AFF3: variants seen among roughly 807,000 people sequenced by gnomAD.
AFF3 encodes the protein AF4/FMR2 family member 3.
Under a neutral mutation model 129.7 loss-of-function variants are expected in AFF3, and 32 were observed. That is an observed-to-expected ratio of 0.25 (90% CI 0.19 to 0.33). The LOEUF (loss-of-function observed/expected upper bound fraction) is 0.33. AFF3 is among the 10% of genes least tolerant of loss of function. The pLI is 1.00. For synonymous variants in AFF3, 644 were observed against 635.4 expected, an observed-to-expected ratio of 1.01 and a Z score of -0.20; for missense variants, 1,373 against 1,592.0, an observed-to-expected ratio of 0.86 and a Z score of 2.34.
At chr2:99,752,081 G>T in intron 9 of AFF3, 140 bp downstream of exon 9, 1 of 699,306 alleles carries the variant, frequency 1.4e-6, no homozygotes, top group Non-Finnish European at 2.4e-6. Context: ...GTATGCGCTT[G>T]CAAATTGTGA....
chr2:99,961,735 C>T (rs1336088545), intron 7 of AFF3, among the ~76,000 whole-genome samples: 2 of 152,166 alleles, frequency 1.3e-5, no homozygotes, highest in African/African-American at 2.4e-5. Flanking sequence ...TAGTCAGAGA[C>T]GCTGCCCTGC....
intron 18 of AFF3, among the ~76,000 whole-genome samples, chr2:99,573,438 G>T (rs916821877): frequency 1.5e-4 from 23 of 152,164 alleles, no homozygotes; most frequent in African/African-American, 4.8e-4. Context: ...AAAGGACTAG[G>T]AGAGGAGACC....
intron 8 of AFF3, among the ~76,000 whole-genome samples, chr2:99,759,771 T>C (rs1682429251): frequency 6.6e-6 from 1 of 152,244 alleles, no homozygotes; most frequent in East Asian, 1.9e-4. Context: ...TGAGGTACAA[T>C]GCTTTTATAA....
chr2:99,746,807 C>T (rs1046071254), intron 9 of AFF3, among the ~76,000 whole-genome samples: 5 of 151,938 alleles, frequency 3.3e-5, no homozygotes, highest in African/African-American at 9.7e-5. Flanking sequence ...AACTTTGGCA[C>T]GTGAAAATAC....
intron 7 of AFF3, among the ~76,000 whole-genome samples, chr2:99,941,664 T>A (rs1211108366): frequency 6.6e-6 from 1 of 152,202 alleles, no homozygotes; most frequent in Non-Finnish European, 1.5e-5. Flanking sequence ...CTTACAAAGC[T>A]TCCTAAGTGG....
intron 8 of AFF3, among the ~76,000 whole-genome samples, chr2:99,753,997 G>A (rs1469582279): frequency 2.0e-5 from 3 of 152,056 alleles, no homozygotes; most frequent in African/African-American, 4.8e-5. Flanking sequence ...GGAACTATTC[G>A]TCATTCTCAG....
chr2:100,069,082 A>AT (rs71378108), intron 4 of AFF3, among the ~76,000 whole-genome samples: 32 of 149,454 alleles, frequency 2.1e-4, no homozygotes, highest in African/African-American at 5.9e-4. Context: ...CTCTCTAGTT[A>AT]TTTTTTTTTT....
Position 99,933,388 on chromosome 2 carries a change from G to T in AFF3, c.873+73244C>A, listed in dbSNP as rs568796743. 3.9e-5 allele frequency among the ~76,000 whole-genome samples: 6 copies of T among 152,152 alleles called. No homozygotes were observed. The South Asian group carries it at 1.2e-3, about 32-fold the overall frequency. On this transcript the variant is annotated intron_variant, in intron 7 of 24. Transcript: ENST00000672756. ...CAGAACATGCAGGTTTGTTACATAG[G>T]TATACGTGTGCTTTGGTGGTTTGCT... is the stretch of plus-strand genomic sequence containing the variant.
intron 2 of AFF3, among the ~76,000 whole-genome samples, chr2:100,125,299 C>G (rs1266887705): frequency 6.6e-6 from 1 of 152,002 alleles, no homozygotes; most frequent in African/African-American, 2.4e-5. Flanking sequence ...GAGCTATATC[C>G]TCAATTTTCA....
At chr2:100,119,942 C>T (rs541020762) in intron 2 of AFF3, among the ~76,000 whole-genome samples, 3 of 152,188 alleles carry the variant, frequency 2.0e-5, no homozygotes, top group African/African-American at 7.2e-5. Context: ...GAGTAGATTA[C>T]GCTTCTAAAG....
intron 9 of AFF3, among the ~76,000 whole-genome samples, chr2:99,744,636 C>T (rs1680994397): frequency 1.3e-5 from 2 of 152,122 alleles, no homozygotes; most frequent in Non-Finnish European, 2.9e-5. Flanking sequence ...TGGAATCATA[C>T]AATATGTGAC....
intron 12 of AFF3, among the ~76,000 whole-genome samples, chr2:99,651,030 G>A (rs1685198175): frequency 6.6e-6 from 1 of 151,866 alleles, no homozygotes; most frequent in Non-Finnish European, 1.5e-5. Context: ...AAAATTAGAT[G>A]GGCATGGTGG....
At chr2:99,839,768 T>A (rs530503777) in intron 7 of AFF3, among the ~76,000 whole-genome samples, 2 of 152,126 alleles carry the variant, frequency 1.3e-5, no homozygotes, top group East Asian at 1.9e-4. Flanking sequence ...TGTATCACCA[T>A]GCCCGGCTAA....
At chr2:99,735,773 G>A (rs573374016) in intron 10 of AFF3, among the ~76,000 whole-genome samples, 3 of 152,294 alleles carry the variant, frequency 2.0e-5, no homozygotes, top group Admixed American at 6.5e-5. Flanking sequence ...GATTACAGGC[G>A]TGAGCCACTG....
chr2:99,620,202 G>A lies in AFF3; in HGVS notation c.1185-18581C>T, dbSNP rs188604625. Among the ~76,000 whole-genome samples the A allele has an allele frequency of 1.6e-3, 244 of 152,286 alleles. 1 individual carries two copies. The highest frequency in any genetic ancestry group is 5.6e-3 in the African/African-American group (231 of 41,554). On this transcript the variant is annotated intron_variant, in intron 13 of 24. Transcript: ENST00000672756. Reference sequence around the variant, plus strand: ...ATTGGGCCTAGGAACCTGCACACCAGGGCTCTAGTCACAGCTGTGCTGATA... The same window carrying A: ...ATTGGGCCTAGGAACCTGCACACCAAGGCTCTAGTCACAGCTGTGCTGATA...
chr2:99,566,467 G>C lies in AFF3; in HGVS notation c.2983-844C>G, dbSNP rs539057499. 2.0e-5 allele frequency among the ~76,000 whole-genome samples: 3 copies of C among 152,272 alleles called. No homozygotes were observed. The South Asian group carries it at 6.2e-4, about 32-fold the overall frequency. On this transcript the variant is annotated intron_variant, in intron 19 of 24. Transcript: ENST00000672756. The stretch of plus-strand genomic sequence containing the variant: ...GGAAGGTGAGGCAGGAGGATCACTC[G>C]AGCCTGGAAGTTTGAGGTTCCAGTG...
chr2:99,888,074 C>T (rs1693255968), intron 7 of AFF3, among the ~76,000 whole-genome samples: 1 of 152,214 alleles, frequency 6.6e-6, no homozygotes, highest in Admixed American at 6.5e-5. Context: ...CAAAAATTTG[C>T]ATCAAATGTC....
At chr2:99,650,645 C>T (rs1346323019) in intron 12 of AFF3, among the ~76,000 whole-genome samples, 1 of 151,948 alleles carries the variant, frequency 6.6e-6, no homozygotes, top group Non-Finnish European at 1.5e-5. Context: ...GACAAGATGG[C>T]CTTGGGCTGA....
chr2:99,568,647 A>T (rs1676199963), intron 19 of AFF3, among the ~76,000 whole-genome samples: 5 of 152,222 alleles, frequency 3.3e-5, no homozygotes, highest in Admixed American at 3.3e-4. Flanking sequence ...TCATTTGTCT[A>T]GGGCTTTTTC....
Sources: allele counts gnomAD v4.1 joint callset (sites outside exome capture counted in the v4.1 genomes callset), GRCh38; gene constraint gnomAD v4.1.1; transcripts MANE v1.5; gene names NCBI Gene and HGNC (gene_info 2026-07-23, HGNC 2026-07-21).